Variants in PRH1 observed in about 807,000 individuals in gnomAD.
The protein encoded by PRH1 is proline rich protein HaeIII subfamily 1.
Under a neutral mutation model 7.9 loss-of-function variants are expected in PRH1, and 7 were observed. That is an observed-to-expected ratio of 0.89 (90% CI 0.50 to 1.67). PRH1 has a LOEUF of 1.67. Among genes scored for constraint, PRH1 ranks in the 40% most tolerant of loss-of-function variants. The pLI is 0.00. For missense variants in PRH1, 109 were observed against 223.6 expected (o/e 0.49, Z 3.27); for synonymous variants, 45 against 80.8 (o/e 0.56, Z 2.38).
In PRH1 at chr12:10,882,247, C is replaced by T; in HGVS notation, c.552G>A (p.Gln184=). ...GGRPQGPPQG[Q]SPQ The stretch of plus-strand genomic sequence containing the variant: ...ATTGAATCCTAGATTACTGAGGAGA[C>T]TGCCCCTGTGGAGGTCCTTGTGGGC... Residue 184 remains glutamine (Q), a synonymous_variant, in exon 3 of 4, where the codon CAG becomes CAA. Coordinates refer to ENST00000543626, the MANE Select transcript of PRH1 (RefSeq NM_001393989.1). The T allele has an allele frequency of 6.2e-7, 1 of 1,613,650 alleles. No individual in the cohort carries two copies. The highest frequency in any genetic ancestry group is 1.1e-5 in the South Asian group (1 of 91,034).
chr12:11,071,581 C>G (rs1474469678), intron 1 of PRH1, among the ~76,000 whole-genome samples: 5 of 152,172 alleles, frequency 3.3e-5, no homozygotes, highest in African/African-American at 4.8e-5. Flanking sequence ...GGCAGGATTG[C>G]TCTCCTGGGG....
chr12:10,917,199 T>C (rs955322232), intron 2 of PRH1, among the ~76,000 whole-genome samples: 1 of 152,198 alleles, frequency 6.6e-6, no homozygotes, highest in African/African-American at 2.4e-5. Flanking sequence ...TCCTTGCCAA[T>C]TAAGTCAGTG....
At chr12:11,167,168 T>A (rs569430578) in intron 1 of PRH1, among the ~76,000 whole-genome samples, 9 of 152,206 alleles carry the variant, frequency 5.9e-5, no homozygotes, top group Non-Finnish European at 1.3e-4. Context: ...TCCTATACCG[T>A]GTACCATAAA....
At chr12:10,907,497 C>T (rs1949821077) in intron 2 of PRH1, among the ~76,000 whole-genome samples, 1 of 140,762 alleles carries the variant, frequency 7.1e-6, no homozygotes, top group South Asian at 2.5e-4. Context: ...TATAACAATA[C>T]ACACTCTATA....
chr12:10,962,894 C>A (rs898206978), intron 2 of PRH1, among the ~76,000 whole-genome samples: 21 of 152,284 alleles, frequency 1.4e-4, no homozygotes, highest in African/African-American at 4.6e-4. Flanking sequence ...CTCAGCCTCC[C>A]GAGTAGCTGG....
intron 1 of PRH1, among the ~76,000 whole-genome samples, chr12:11,069,923 G>A (rs1394495705): frequency 2.7e-5 from 4 of 149,676 alleles, no homozygotes; most frequent in African/African-American, 9.8e-5. Context: ...TTTATATGAT[G>A]CTTTCTCAAA....
chr12:11,011,919 G>A (rs555564214), intron 1 of PRH1, among the ~76,000 whole-genome samples: 1 of 152,080 alleles, frequency 6.6e-6, no homozygotes, highest in Non-Finnish European at 1.5e-5. Context: ...ATGAATTTCA[G>A]GCAGGTCATC....
At chr12:10,887,158 G>T (rs1460535464), upstream of PRH1, among the ~76,000 whole-genome samples, 2 of 152,150 alleles carry the variant, frequency 1.3e-5, no homozygotes, top group Non-Finnish European at 2.9e-5. Context: ...GGAACAGAAA[G>T]TAGAATCTTC....
chr12:11,101,782 T>C (rs1192963247), intron 1 of PRH1, among the ~76,000 whole-genome samples: 2 of 152,226 alleles, frequency 1.3e-5, no homozygotes, highest in East Asian at 1.9e-4. Flanking sequence ...TGCCATTGTA[T>C]ATTTAGAAAA....
chr12:10,958,494 G>A (rs1187028284), intron 2 of PRH1, among the ~76,000 whole-genome samples: 1 of 152,062 alleles, frequency 6.6e-6, no homozygotes, highest in Non-Finnish European at 1.5e-5. Context: ...TGTACACAAA[G>A]TGCCTGAGAC....
intron 1 of PRH1, among the ~76,000 whole-genome samples, chr12:11,011,398 A>G (rs1269347904): frequency 6.6e-6 from 1 of 152,094 alleles, no homozygotes; most frequent in Non-Finnish European, 1.5e-5. Context: ...GCTCAATTAA[A>G]TTTCTATTCA....
intron 2 of PRH1, among the ~76,000 whole-genome samples, chr12:10,913,947 G>T (rs1949937125): frequency 6.6e-6 from 1 of 152,212 alleles, no homozygotes. Context: ...GAGCTTTGGG[G>T]ATCTTGTTAG....
intron 2 of PRH1, among the ~76,000 whole-genome samples, chr12:10,940,391 G>A (rs192065711): frequency 2.6e-5 from 4 of 152,264 alleles, no homozygotes; most frequent in Admixed American, 2.6e-4. Flanking sequence ...ATATTAAATA[G>A]TAATACATGT....
chr12:10,930,917 G>A (rs778171430), intron 2 of PRH1: 44 of 1,605,322 alleles, frequency 2.7e-5, no homozygotes, highest in Non-Finnish European at 3.3e-5. Flanking sequence ...GGCCATCCCC[G>A]TCCTCCTCGA....
intron 1 of PRH1, 91 bp downstream of exon 1, chr12:10,884,063 A>C: frequency 6.7e-7 from 1 of 1,497,124 alleles, no homozygotes; most frequent in Non-Finnish European, 9.2e-7. Flanking sequence ...CTGTTTTCTC[A>C]TCCTCCTCTC....
intron 1 of PRH1, among the ~76,000 whole-genome samples, chr12:11,142,372 G>A (rs1946725070): frequency 6.6e-6 from 1 of 152,122 alleles, no homozygotes; most frequent in African/African-American, 2.4e-5. Flanking sequence ...GAAATGCCAA[G>A]TGACAAGATC....
intron 1 of PRH1, among the ~76,000 whole-genome samples, chr12:11,060,661 G>A (rs1943556838): frequency 6.6e-6 from 1 of 151,620 alleles, no homozygotes; most frequent in African/African-American, 2.4e-5. Flanking sequence ...TGTTTTCTAA[G>A]CTATTCACAT....
chr12:10,924,032 GT>G (rs1388909494), intron 2 of PRH1, among the ~76,000 whole-genome samples: 1 of 108,734 alleles, frequency 9.2e-6, no homozygotes, highest in Non-Finnish European at 1.7e-5. Context: ...GTCTCGCTCT[GT>G]CGCCCAGGCT....
In PRH1 at chr12:11,106,937, C is replaced by T. The variant is rs569901406; in HGVS notation, n.124-59749G>A. On this transcript the variant is annotated intron_variant and non_coding_transcript_variant, in intron 1 of 4. Coordinates refer to the PRH1 transcript ENST00000541977. ...TTTATCTGTCTAGTACAGGCAGGAA[C>T]CAAGAATTATTAATTTTTTGTATGA... Among the ~76,000 whole-genome samples the T allele has an allele frequency of 2.6e-5, 4 of 152,188 alleles. No individual in the cohort carries two copies. In the South Asian group the frequency reaches 8.3e-4, roughly 32 times the overall value.
Sources: gnomAD v4.1 joint callset for allele counts (sites outside exome capture counted in the v4.1 genomes callset) on GRCh38, gnomAD v4.1.1 for gene constraint, MANE v1.5 for transcripts, NCBI Gene and HGNC (gene_info 2026-07-23, HGNC 2026-07-21) for gene names.